The following PPP1R9A variants were observed in gnomAD, a reference collection of about 807,000 sequenced individuals.
PPP1R9A encodes neurabin-1.
In PPP1R9A, 59 loss-of-function variants were observed where a neutral mutation model predicts 141.9. That is an observed-to-expected ratio of 0.42 (90% CI 0.34 to 0.52). The LOEUF is 0.52. Ranked by LOEUF, PPP1R9A falls within the 20% of genes least tolerant of loss-of-function variation. The probability of loss-of-function intolerance (pLI) is 0.10; values close to 1 mark genes in which losing one functional copy is unlikely to be tolerated. For synonymous variants in PPP1R9A, 500 were observed against 569.7 expected, an observed-to-expected ratio of 0.88 and a Z score of 1.74; for missense variants, 1,444 against 1,611.9, an observed-to-expected ratio of 0.90 and a Z score of 1.78.
chr7:95,160,074 G>A (rs565190086), intron 4 of PPP1R9A, among the ~76,000 whole-genome samples: 2 of 151,366 alleles, frequency 1.3e-5, no homozygotes, highest in East Asian at 1.9e-4. Flanking sequence ...TCATTATGAA[G>A]AATAAAAATG....
intron 2 of PPP1R9A, among the ~76,000 whole-genome samples, chr7:94,973,792 C>T (rs1414407882): frequency 2.0e-5 from 3 of 150,282 alleles, no homozygotes; most frequent in Non-Finnish European, 3.0e-5. Context: ...AATCATAGCT[C>T]ACTGTTGCCT....
intron 3 of PPP1R9A, among the ~76,000 whole-genome samples, chr7:95,118,512 C>G (rs1279122669): frequency 1.3e-5 from 2 of 152,148 alleles, no homozygotes; most frequent in African/African-American, 4.8e-5. Context: ...AAAGATTCCT[C>G]TAGCATACCA....
At chr7:95,142,411 A>G (rs1826865290) in intron 4 of PPP1R9A, among the ~76,000 whole-genome samples, 1 of 152,072 alleles carries the variant, frequency 6.6e-6, no homozygotes, top group African/African-American at 2.4e-5. Flanking sequence ...CTCATATCCT[A>G]GAAGACTTTA....
intron 14 of PPP1R9A, among the ~76,000 whole-genome samples, chr7:95,273,112 T>C (rs1379739259): frequency 6.6e-6 from 1 of 152,174 alleles, no homozygotes; most frequent in African/African-American, 2.4e-5. Flanking sequence ...TGTCTTCCTA[T>C]TGGCTTTTGG....
intron 2 of PPP1R9A, among the ~76,000 whole-genome samples, chr7:94,955,703 T>C (rs1797007370): frequency 6.6e-6 from 1 of 152,056 alleles, no homozygotes; most frequent in Non-Finnish European, 1.5e-5. Flanking sequence ...GACTTAGGAG[T>C]TCTTCATTTG....
intron 4 of PPP1R9A, among the ~76,000 whole-genome samples, chr7:95,149,784 TTAATC>T (rs1475381607): frequency 2.7e-5 from 3 of 112,434 alleles, no homozygotes; most frequent in African/African-American, 5.4e-5. Flanking sequence ...TCTTCCCTAC[TTAATC>T]TAAAGATTCA....
rs1471696891 is a variant in PPP1R9A at position 95,071,087 on chromosome 7, T to G, written c.1396-40172T>G. 2.0e-5 allele frequency among the ~76,000 whole-genome samples: 3 copies of G among 152,058 alleles called. No individual in the cohort carries two copies. The East Asian group carries it at 5.8e-4, about 29-fold the overall frequency. Reference sequence around the variant, plus strand: ...CTATACACTAAAGATTGTCACTTGATTCACATGTATTCAGGGCTTATAAAA... The same window carrying G: ...CTATACACTAAAGATTGTCACTTGAGTCACATGTATTCAGGGCTTATAAAA... On this transcript the variant is annotated intron_variant, in intron 2 of 19. Coordinates refer to ENST00000433360, the MANE Select transcript of PPP1R9A (RefSeq NM_001166160.2).
chr7:95,007,647 T>C (rs947343598), intron 2 of PPP1R9A, among the ~76,000 whole-genome samples: 16 of 152,202 alleles, frequency 1.1e-4, no homozygotes, highest in Admixed American at 5.9e-4. Flanking sequence ...TATCAACAAA[T>C]ATGTAAAAAC....
intron 8 of PPP1R9A, among the ~76,000 whole-genome samples, chr7:95,242,862 C>T (rs1438953338): frequency 6.6e-6 from 1 of 152,132 alleles, no homozygotes; most frequent in Non-Finnish European, 1.5e-5. Context: ...AAAACTCCAA[C>T]AGGCATCTCA....
chr7:95,162,065 A>C, intron 5 of PPP1R9A, 94 bp downstream of exon 5: 1 of 720,362 alleles, frequency 1.4e-6, no homozygotes, highest in Non-Finnish European at 2.2e-6. Flanking sequence ...AATTACAATG[A>C]CAATTTTACC....
At chr7:94,952,585 G>A (rs1019406521) in intron 2 of PPP1R9A, among the ~76,000 whole-genome samples, 6 of 152,144 alleles carry the variant, frequency 3.9e-5, no homozygotes, top group Admixed American at 6.5e-5. Context: ...GTGTAAAAGT[G>A]TTCCTATTTC....
intron 7 of PPP1R9A, among the ~76,000 whole-genome samples, chr7:95,225,658 A>G (rs1795038163): frequency 6.6e-6 from 1 of 152,122 alleles, no homozygotes; most frequent in Non-Finnish European, 1.5e-5. Flanking sequence ...CAGCAACATA[A>G]TTTTATTTGG....
intron 5 of PPP1R9A, among the ~76,000 whole-genome samples, chr7:95,172,591 C>T (rs1352725493): frequency 1.3e-5 from 2 of 151,702 alleles, no homozygotes; most frequent in Non-Finnish European, 1.5e-5. Context: ...TTGCAGACTT[C>T]CACACTTAAA....
intron 4 of PPP1R9A, among the ~76,000 whole-genome samples, chr7:95,147,814 G>C (rs577456827): frequency 6.6e-6 from 1 of 152,196 alleles, no homozygotes; most frequent in Middle Eastern, 3.4e-3. Flanking sequence ...ATTTGCATAT[G>C]TTGAACCAGC....
chr7:95,070,987 A>G (rs1465964024), intron 2 of PPP1R9A, among the ~76,000 whole-genome samples: 3 of 151,958 alleles, frequency 2.0e-5, no homozygotes, highest in Non-Finnish European at 4.4e-5. Context: ...TTGTGAGAAT[A>G]TCAAGGGGAA....
chr7:94,935,115 C>G (rs936210569), intron 2 of PPP1R9A, among the ~76,000 whole-genome samples: 1 of 152,108 alleles, frequency 6.6e-6, no homozygotes, highest in Admixed American at 6.6e-5. Context: ...TTAAGACATA[C>G]GAATTTTATG....
intron 2 of PPP1R9A, among the ~76,000 whole-genome samples, chr7:95,070,691 T>C (rs1235695716): frequency 6.6e-6 from 1 of 150,894 alleles, no homozygotes; most frequent in Non-Finnish European, 1.5e-5. Context: ...TGTAAAATTC[T>C]AAGTTCAGGA....
At position 95,274,090 on chromosome 7, in the gene PPP1R9A, C is replaced by G; in HGVS notation, c.3218C>G (p.Pro1073Arg). ...ACTGCTTACTATCATTACAGGGCGC[C>G]TTTGCGAAGGAATTCCAGCAAGGGA... ...IKRKFVDLGA[P>R]LRRNSSKGKK... Residue 1073 changes from proline (P) to arginine (R), a missense_variant, in exon 16 of 20, where the codon CCT becomes CGT. Physicochemically the swap from Pro to Arg is moderately radical, Grantham distance 103. Transcript: ENST00000433360. The G allele has an allele frequency of 1.3e-6, 2 of 1,578,494 alleles. No homozygotes were observed. The highest frequency in any genetic ancestry group is 1.7e-6 in the Non-Finnish European group (2 of 1,166,520).
intron 3 of PPP1R9A, among the ~76,000 whole-genome samples, chr7:95,113,063 C>T (rs1820846962): frequency 6.6e-6 from 1 of 152,076 alleles, no homozygotes; most frequent in African/African-American, 2.4e-5. Flanking sequence ...ACATGTACTC[C>T]CCTGAATTTA....
Sources: allele counts gnomAD v4.1 joint callset (sites outside exome capture counted in the v4.1 genomes callset), GRCh38; gene constraint gnomAD v4.1.1; transcripts MANE v1.5; gene names NCBI Gene and HGNC (gene_info 2026-07-23, HGNC 2026-07-21).